Variants in DNAJC21 observed in about 807,000 individuals in gnomAD.
DNAJC21 encodes the protein dnaJ homolog subfamily C member 21.
Under a neutral mutation model 72.4 loss-of-function variants are expected in DNAJC21, and 63 were observed. The observed-to-expected ratio is 0.87, with a 90% CI of 0.71 to 1.07. The LOEUF (loss-of-function observed/expected upper bound fraction) is 1.07. Ranked by LOEUF, DNAJC21 falls within the 50% of genes least tolerant of loss-of-function variation. DNAJC21 has a pLI of 0.00. For missense variants in DNAJC21, 634 were observed against 644.8 expected, an observed-to-expected ratio of 0.98 and a Z score of 0.18; for synonymous variants, 203 against 216.7, an observed-to-expected ratio of 0.94 and a Z score of 0.56.
intron 7 of DNAJC21, among the ~76,000 whole-genome samples, chr5:34,942,280 G>C (rs1765020556): frequency 6.6e-6 from 1 of 152,174 alleles, no homozygotes; most frequent in South Asian, 2.1e-4. Context: ...CTTTATCTTA[G>C]GGGAACAATG....
intron 11 of DNAJC21, 170 bp downstream of exon 11, chr5:34,954,171 T>A: frequency 1.8e-6 from 1 of 565,000 alleles, no homozygotes; most frequent in Non-Finnish European, 2.9e-6. Context: ...TTCATTAAAA[T>A]AAAAAGAAGC....
intron 10 of DNAJC21, chr5:34,953,649 T>C (rs1765449001): frequency 3.1e-6 from 1 of 320,942 alleles, no homozygotes. Flanking sequence ...GTATAAAACA[T>C]TCAGAGATAT....
chr5:34,929,758 G>GCCCGGGCCCGGGCCCCGACCCCGT lies in DNAJC21; in HGVS notation c.-52_-29dup, dbSNP rs1004848506. 3.1e-5 allele frequency: 28 copies of GCCCGGGCCCGGGCCCCGACCCCGT among 905,082 alleles called. No individual in the cohort carries two copies. In the African/African-American group the frequency reaches 4.7e-4, roughly 15 times the overall value. 56.1% of individuals were successfully genotyped at this position (905,082 alleles called of 1,614,324 possible). ...CAGCGCCGCCGCCGCCGCCGCTTCG[G>GCCCGGGCCCGGGCCCCGACCCCGT]CCCGGGCCCGGGCCCCGACCCCGTC... is the stretch of plus-strand genomic sequence containing the variant. On this transcript the variant is annotated 5_prime_UTR_variant, in exon 1 of 12. Transcript: ENST00000648817.
chr5:34,945,734 G>A, intron 8 of DNAJC21, 27 bp from the exon 9 acceptor site: 1 of 1,554,280 alleles, frequency 6.4e-7, no homozygotes, highest in Non-Finnish European at 8.7e-7. Context: ...TCAAGTATTT[G>A]ACATTTCGAT....
At chr5:34,950,548 C>T in intron 10 of DNAJC21, 1 of 1,208,176 alleles carries the variant, frequency 8.3e-7, no homozygotes, top group Non-Finnish European at 1.0e-6. Flanking sequence ...TGCCCACACA[C>T]ATCTCAGCAG....
rs1764883122 is a variant in DNAJC21 at position 34,938,845 on chromosome 5, T to C, written c.744-13T>C. 6.3e-7 allele frequency: 1 copy of C among 1,598,292 alleles called. No individual in the cohort carries two copies. The highest frequency in any genetic ancestry group is 8.5e-7 in the Non-Finnish European group (1 of 1,174,238). ...CGTGCTTGTCGCTGTGAGACTGTGC[T>C]GTATGTGTCTAGACTGGTGGAGCAG... On this transcript the variant is annotated splice_polypyrimidine_tract_variant and intron_variant, in intron 5 of 11. Coordinates refer to ENST00000648817, the MANE Select transcript of DNAJC21 (RefSeq NM_001012339.3).
chr5:34,929,656 ACCGCCG>A lies in DNAJC21; in HGVS notation c.-145_-140del, dbSNP rs574306683. The A allele has an allele frequency of 3.2e-5, 5 of 155,348 alleles. No homozygotes were observed. Among genetic ancestry groups the A allele is most frequent in the East Asian group, 2.2e-4 (1 of 4,554 alleles). The allele number at this position is 155,348 out of a possible 1,614,324, so 9.6% of individuals were successfully genotyped here. ...CCGCGCGCCTTCACTGACCTACACC[ACCGCCG>A]CCGCCGCCGCCGCCGCCGGGCTCGC... On this transcript the variant is annotated 5_prime_UTR_variant, in exon 1 of 12. Coordinates refer to ENST00000648817, the MANE Select transcript of DNAJC21 (RefSeq NM_001012339.3).
chr5:34,929,970 C>T, intron 1 of DNAJC21, 54 bp downstream of exon 1: 2 of 1,414,916 alleles, frequency 1.4e-6, no homozygotes, highest in Non-Finnish European at 9.6e-7. Flanking sequence ...CGGCCCTCCC[C>T]GACCTTCCCT....
intron 9 of DNAJC21, chr5:34,949,604 A>C: frequency 6.3e-7 from 1 of 1,593,402 alleles, no homozygotes; most frequent in Non-Finnish European, 8.6e-7. Context: ...TGGGGAAAAA[A>C]GTGTGTGTTG....
intron 10 of DNAJC21, 198 bp downstream of exon 10, chr5:34,950,540 C>T (rs1260660629): frequency 2.4e-6 from 3 of 1,226,336 alleles, no homozygotes; most frequent in Non-Finnish European, 3.1e-6. Flanking sequence ...GAGGAATGTG[C>T]CCACACACAT....
intron 9 of DNAJC21, 36 bp downstream of exon 9, chr5:34,945,839 A>G (rs37442): frequency 2.9e-5 from 42 of 1,453,496 alleles, no homozygotes; most frequent in East Asian, 2.6e-4. Flanking sequence ...TTAAATGCCA[A>G]CGATAAAGTT....
intron 2 of DNAJC21, among the ~76,000 whole-genome samples, chr5:34,934,416 A>C (rs1007649156): frequency 1.3e-5 from 2 of 149,040 alleles, no homozygotes; most frequent in African/African-American, 2.5e-5. Context: ...TTTTTAGTAG[A>C]GACGGGGTTT....
At position 34,936,255 on chromosome 5, in the gene DNAJC21, G is replaced by T; in HGVS notation, c.427G>T (p.Asp143Tyr). The T allele has an allele frequency of 6.2e-7, 1 of 1,611,810 alleles. No individual in the cohort carries two copies. Among genetic ancestry groups the T allele is most frequent in the Non-Finnish European group, 8.5e-7 (1 of 1,179,422 alleles). ...DFPTFGDSQS[D>Y]YDTVVHPFYA... The stretch of plus-strand genomic sequence containing the variant: ...CCCAACTTTTGGAGACTCCCAGAGT[G>T]ACTATGATACGGTAAAATAAAAATG... The change falls in exon 4 of 12, where the codon GAC (aspartate) becomes TAC (tyrosine). Residue 143 changes from aspartate to tyrosine, a missense_variant. Physicochemically the swap from Asp to Tyr is radical, Grantham distance 160. Coordinates refer to ENST00000648817, the MANE Select transcript of DNAJC21 (RefSeq NM_001012339.3).
intron 10 of DNAJC21, chr5:34,950,880 TTCC>T: frequency 1.0e-6 from 1 of 985,606 alleles, no homozygotes; most frequent in Non-Finnish European, 1.2e-6. Context: ...TGTTCTCTCC[TTCC>T]TCCTCTTGTC....
At chr5:34,953,740 G>T (rs1359197273) in intron 10 of DNAJC21, 186 bp from the exon 11 acceptor site, 4 of 438,806 alleles carry the variant, frequency 9.1e-6, no homozygotes, top group Non-Finnish European at 1.6e-5. Context: ...TATTCAATTT[G>T]ATTTCTGAAG....
Position 34,955,745 on chromosome 5 carries a change from C to A in DNAJC21, c.*1031C>A, listed in dbSNP as rs952558634. The stretch of plus-strand genomic sequence containing the variant: ...CATTTTTAGGATGGATTAGTCAGTT[C>A]TTTTCATTGGTCTTGAAAGTAATTT... On this transcript the variant is annotated 3_prime_UTR_variant, in exon 12 of 12. Transcript: ENST00000648817. The A allele has an allele frequency of 6.6e-6, 1 of 151,998 alleles. No individual in the cohort carries two copies. Among genetic ancestry groups the A allele is most frequent in the Non-Finnish European group, 1.5e-5 (1 of 68,014 alleles). 9.4% of individuals were successfully genotyped at this position (151,998 alleles called of 1,614,324 possible).
intron 3 of DNAJC21, 21 bp downstream of exon 3, chr5:34,935,854 C>T (rs1347833372): frequency 6.2e-7 from 1 of 1,613,078 alleles, no homozygotes; most frequent in Admixed American, 1.7e-5. Context: ...TGAACTCACC[C>T]TTGATTTCTC....
intron 1 of DNAJC21, among the ~76,000 whole-genome samples, chr5:34,930,824 A>G (rs1427574929): frequency 6.6e-6 from 1 of 152,242 alleles, no homozygotes; most frequent in Non-Finnish European, 1.5e-5. Context: ...TTAGGAAAAC[A>G]ACTTTCTGCC....
chr5:34,950,988 TC>T (rs1419031714), intron 10 of DNAJC21: 1 of 985,348 alleles, frequency 1.0e-6, no homozygotes, highest in Non-Finnish European at 1.2e-6. Flanking sequence ...GCTTCAAGTT[TC>T]TGTCATTACA....
Sources: gnomAD v4.1 joint callset for allele counts (sites outside exome capture counted in the v4.1 genomes callset) on GRCh38, gnomAD v4.1.1 for gene constraint, MANE v1.5 for transcripts, NCBI Gene and HGNC (gene_info 2026-07-23, HGNC 2026-07-21) for gene names.